The following LCLAT1 variants were observed in gnomAD, a reference collection of about 807,000 sequenced individuals.
LCLAT1 encodes 1-AGP acyltransferase 8.
LCLAT1 carries 11 observed loss-of-function variants against 30.7 expected under a neutral mutation model. That is an observed-to-expected ratio of 0.36 (90% CI 0.23 to 0.59). LCLAT1 has a LOEUF of 0.59. Ranked by LOEUF, LCLAT1 falls within the 20% of genes least tolerant of loss-of-function variation. The pLI is 0.77. For synonymous variants in LCLAT1, 155 were observed against 151.3 expected (o/e 1.02, Z -0.18); for missense variants, 402 against 458.6 (o/e 0.88, Z 1.13).
rs115386862 is a variant in LCLAT1, at chr2:30,543,135, T to C, written c.364+9821T>C. The stretch of plus-strand genomic sequence containing the variant: ...AGATGCTCTTAATTAGGTTGAGGAG[T>C]TCCCTTCTATTCCTGATTTGCTGTG... On this transcript the variant is annotated intron_variant, in intron 3 of 5. Coordinates refer to ENST00000379509, the MANE Select transcript of LCLAT1 (RefSeq NM_001002257.3). Among the ~76,000 whole-genome samples, 1,012 of 152,092 alleles carry C rather than the reference T, an allele frequency of 6.7e-3. 10 individuals carry two copies. Among genetic ancestry groups the C allele is most frequent in the African/African-American group, 0.023 (961 of 41,502 alleles).
At chr2:30,454,858 A>G (rs1055704295) in intron 1 of LCLAT1, among the ~76,000 whole-genome samples, 1 of 152,234 alleles carries the variant, frequency 6.6e-6, no homozygotes, top group African/African-American at 2.4e-5. Flanking sequence ...GTGGAGAAGC[A>G]GGATGGAAAT....
intron 5 of LCLAT1, among the ~76,000 whole-genome samples, chr2:30,623,334 A>G (rs1305627277): frequency 1.3e-5 from 2 of 152,018 alleles, no homozygotes; most frequent in Non-Finnish European, 2.9e-5. Context: ...GATTACGGGC[A>G]TGAGCCACCA....
At chr2:30,625,832 G>A (rs184780206) in intron 5 of LCLAT1, among the ~76,000 whole-genome samples, 1 of 152,274 alleles carries the variant, frequency 6.6e-6, no homozygotes, top group Admixed American at 6.5e-5. Flanking sequence ...AGAGTCATAC[G>A]ATAAGTGACC....
chr2:30,515,818 T>G (rs1358299598), intron 1 of LCLAT1, among the ~76,000 whole-genome samples: 1 of 152,110 alleles, frequency 6.6e-6, no homozygotes, highest in Non-Finnish European at 1.5e-5. Context: ...TTTTAAAGGG[T>G]TTTTAAAGAT....
At chr2:30,584,944 T>A (rs1381909363) in intron 5 of LCLAT1, among the ~76,000 whole-genome samples, 1 of 62,130 alleles carries the variant, frequency 1.6e-5, no homozygotes, top group Non-Finnish European at 3.1e-5. Context: ...ATTACTATAT[T>A]TCAAAAAAAA....
At position 30,586,259 on chromosome 2, in the gene LCLAT1, A is replaced by C. The variant is rs1436602010; in HGVS notation, c.628+18083A>C. ...TCCGTCTCAAAAAAAAAAAAAAAAA[A>C]AAACCCAGTAGGAATTTATTCTCTC... is the stretch of plus-strand genomic sequence containing the variant. On this transcript the variant is annotated intron_variant, in intron 5 of 5. Transcript: ENST00000379509. 3.3e-5 allele frequency among the ~76,000 whole-genome samples: 5 copies of C among 151,770 alleles called. No individual in the cohort carries two copies. The East Asian group carries it at 5.8e-4, about 18-fold the overall frequency.
intron 1 of LCLAT1, among the ~76,000 whole-genome samples, chr2:30,507,865 C>T (rs1036880989): frequency 1.3e-5 from 2 of 152,070 alleles, no homozygotes; most frequent in Non-Finnish European, 2.9e-5. Flanking sequence ...TGCAGAATTG[C>T]CACACTGTTT....
rs199504773 is a variant in LCLAT1, at chr2:30,603,231, CCA to C, written c.628+35058_628+35059del. On this transcript the variant is annotated intron_variant, in intron 5 of 5. Coordinates refer to ENST00000379509, the MANE Select transcript of LCLAT1 (RefSeq NM_001002257.3). ...CATTCAGAGAATTGTTTTCTCTTTGCCACAGAGAATAAATTAGCAAGAAATTA... is the reference window on the plus strand; with the variant it reads ...CATTCAGAGAATTGTTTTCTCTTTGCCAGAGAATAAATTAGCAAGAAATTA... 6.6e-3 allele frequency among the ~76,000 whole-genome samples: 1,003 copies of C among 151,824 alleles called. 9 individuals carry two copies. Among genetic ancestry groups the C allele is most frequent in the African/African-American group, 0.023 (952 of 41,404 alleles).
rs759355239 is a variant in LCLAT1 at position 30,640,304 on chromosome 2, G to A, written c.816G>A (p.Glu272=). Reference sequence around the variant, plus strand: ...TCTGGTGCCACAAACGGTGGGAAGAGAAAGAAGAGAGGCTGCGTTCCTTCT... The same window carrying A: ...TCTGGTGCCACAAACGGTGGGAAGAAAAAGAAGAGAGGCTGCGTTCCTTCT... The part of the protein sequence containing the change: ...LQLWCHKRWE[E]KEERLRSFYQ... Residue 272 remains glutamate (E), a synonymous_variant, in exon 6 of 6, where the codon GAG becomes GAA. Transcript: ENST00000379509. The A allele has an allele frequency of 1.2e-6, 2 of 1,614,116 alleles. No individual in the cohort carries two copies. Among genetic ancestry groups the A allele is most frequent in the Non-Finnish European group, 1.7e-6 (2 of 1,180,044 alleles).
At chr2:30,568,716 C>A (rs1665630376) in intron 5 of LCLAT1, among the ~76,000 whole-genome samples, 1 of 150,726 alleles carries the variant, frequency 6.6e-6, no homozygotes, top group East Asian at 1.9e-4. Context: ...AACATGTTAG[C>A]CGGGATGGTC....
Position 30,568,084 on chromosome 2 carries a change from C to G in LCLAT1, c.536C>G (p.Ala179Gly). The change falls in exon 5 of 6, where the codon GCA becomes GGA. Residue 179 changes from alanine to glycine, a missense_variant. Transcript: ENST00000379509. ...GAAAACAGCAAGTCTCGAAGTAATG[C>G]ATTTGCTGAAAAAAATGGACTTCAG... ...LTENSKSRSN[A>G]FAEKNGLQKY... 6.3e-7 allele frequency: 1 copy of G among 1,585,314 alleles called. No homozygotes were observed.
At chr2:30,583,518 A>G (rs537390074) in intron 5 of LCLAT1, among the ~76,000 whole-genome samples, 6 of 152,072 alleles carry the variant, frequency 3.9e-5, no homozygotes, top group East Asian at 3.9e-4. Flanking sequence ...ACAACCCCCA[A>G]TGCAGTTTCT....
chr2:30,604,873 T>C (rs1667359167), intron 5 of LCLAT1, among the ~76,000 whole-genome samples: 1 of 152,170 alleles, frequency 6.6e-6, no homozygotes, highest in Admixed American at 6.6e-5. Flanking sequence ...AGCCTCAAAT[T>C]TCCTTGGGTA....
chr2:30,578,466 T>C (rs779186431), intron 5 of LCLAT1, among the ~76,000 whole-genome samples: 1 of 152,112 alleles, frequency 6.6e-6, no homozygotes, highest in Non-Finnish European at 1.5e-5. Context: ...AGCACTGATC[T>C]CCTTAGAAGT....
In LCLAT1 at chr2:30,535,918, A is replaced by G. The variant is rs80186414; in HGVS notation, c.364+2604A>G. Among the ~76,000 whole-genome samples, 1,292 of 152,296 alleles carry G rather than the reference A, an allele frequency of 8.5e-3. 16 individuals are homozygous for G. The highest frequency in any genetic ancestry group is 0.029 in the African/African-American group (1,201 of 41,570). On this transcript the variant is annotated intron_variant, in intron 3 of 5. Transcript: ENST00000379509. ...CACAGATAAAGTATTCAACACCATCAGGAAACAATTCATGATCTCAATGAG... is the reference window on the plus strand; with the variant it reads ...CACAGATAAAGTATTCAACACCATCGGGAAACAATTCATGATCTCAATGAG...
intron 1 of LCLAT1, among the ~76,000 whole-genome samples, chr2:30,509,581 T>C: frequency 6.6e-6 from 1 of 151,764 alleles, no homozygotes. Context: ...TACTTTTTTT[T>C]TTTCTTTTTA....
At chr2:30,480,470 C>T (rs1683264677) in intron 1 of LCLAT1, among the ~76,000 whole-genome samples, 1 of 152,196 alleles carries the variant, frequency 6.6e-6, no homozygotes, top group Non-Finnish European at 1.5e-5. Flanking sequence ...GCTGGGATTA[C>T]AGGTTTGAGC....
rs1683146182 is a variant in LCLAT1 at position 30,478,328 on chromosome 2, A to G, written c.-5+30945A>G. Among the ~76,000 whole-genome samples the G allele has an allele frequency of 2.0e-5, 3 of 152,124 alleles. No individual in the cohort carries two copies. The South Asian group carries it at 6.2e-4, about 31-fold the overall frequency. On this transcript the variant is annotated intron_variant, in intron 1 of 5. Transcript: ENST00000379509. ...TTTATAACATAATTTTTGTGGGAAA[A>G]TGCATTCTGAATTCCAAACAGCTGA...
chr2:30,524,067 A>T (rs1444843708), intron 1 of LCLAT1, among the ~76,000 whole-genome samples: 3 of 4,470 alleles, frequency 6.7e-4, no homozygotes, highest in Non-Finnish European at 1.2e-3. Flanking sequence ...ATAGATTATA[A>T]GGCTGTTTTT....
Sources: gnomAD v4.1 joint callset for allele counts (sites outside exome capture counted in the v4.1 genomes callset) on GRCh38, gnomAD v4.1.1 for gene constraint, MANE v1.5 for transcripts, NCBI Gene and HGNC (gene_info 2026-07-23, HGNC 2026-07-21) for gene names.